The following PPP2R3A variants were observed in gnomAD, a reference collection of about 807,000 sequenced individuals.
PPP2R3A encodes serine/threonine-protein phosphatase 2A regulatory subunit B'' subunit alpha.
A neutral mutation model predicts 106.9 loss-of-function variants in PPP2R3A; 80 were observed. That is an observed-to-expected ratio of 0.75 (90% confidence interval 0.62 to 0.90). The LOEUF (loss-of-function observed/expected upper bound fraction) is 0.90, where lower values mean the gene tolerates loss of function less well. Among genes scored for constraint, PPP2R3A ranks in the 40% least tolerant of loss-of-function variants. The pLI, the probability that PPP2R3A is intolerant of heterozygous loss-of-function variation, is 0.00. For missense variants in PPP2R3A, 1,386 were observed against 1,350.4 expected (o/e 1.03, Z -0.41); for synonymous variants, 483 against 468.3 (o/e 1.03, Z -0.41).
At chr3:136,032,756 G>A (rs748885504) in intron 3 of PPP2R3A, among the ~76,000 whole-genome samples, 12 of 152,020 alleles carry the variant, frequency 7.9e-5, no homozygotes, top group East Asian at 3.9e-4. Context: ...GGATGGTCTC[G>A]ATCTCCTGAC....
intron 1 of PPP2R3A, among the ~76,000 whole-genome samples, chr3:135,989,048 C>T (rs1227984876): frequency 1.3e-5 from 2 of 151,940 alleles, no homozygotes; most frequent in African/African-American, 2.4e-5. Flanking sequence ...TTTTTTTTAA[C>T]GCTGTTATTT....
intron 1 of PPP2R3A, among the ~76,000 whole-genome samples, chr3:136,000,331 C>T (rs1478241146): frequency 1.3e-5 from 2 of 152,052 alleles, no homozygotes; most frequent in East Asian, 1.9e-4. Flanking sequence ...TATTTGTTGA[C>T]GGAATAAATA....
intron 1 of PPP2R3A, among the ~76,000 whole-genome samples, chr3:135,971,828 G>C (rs957817279): frequency 6.6e-6 from 1 of 152,112 alleles, no homozygotes; most frequent in Non-Finnish European, 1.5e-5. Context: ...ATGCCTGGCT[G>C]GCAGTATATA....
In PPP2R3A at chr3:136,145,132, A is replaced by G; in HGVS notation, c.3419A>G (p.Lys1140Arg). 2 of 1,613,560 alleles carry G rather than the reference A, an allele frequency of 1.2e-6. No individual in the cohort carries two copies. The highest frequency in any genetic ancestry group is 1.3e-5 in the African/African-American group (1 of 75,046). The change falls in exon 14 of 14, where the codon AAA becomes AGA. Residue 1140 changes from lysine to arginine, a missense_variant. By Grantham distance (26) the Lys-to-Arg change is conservative. Transcript: ENST00000264977. ...NKILSASLPEKCGKLQSVDEE is the reference protein window; with the variant it reads ...NKILSASLPERCGKLQSVDEE Reference sequence around the variant, plus strand: ...ATATTAAGTGCAAGCCTTCCAGAGAAATGTGGAAAGCTTCAATCAGTGGAT... The same window carrying G: ...ATATTAAGTGCAAGCCTTCCAGAGAGATGTGGAAAGCTTCAATCAGTGGAT...
At chr3:135,969,956 T>A (rs1937197649) in intron 1 of PPP2R3A, among the ~76,000 whole-genome samples, 1 of 152,220 alleles carries the variant, frequency 6.6e-6, no homozygotes, top group African/African-American at 2.4e-5. Context: ...GCTCATTTAT[T>A]TCTCTGACTG....
rs1933646582 is a variant in PPP2R3A at position 136,002,053 on chromosome 3, A to G, written c.555A>G (p.Lys185=). The G allele has an allele frequency of 6.2e-7, 1 of 1,613,628 alleles. No individual in the cohort carries two copies. The highest frequency in any genetic ancestry group is 8.5e-7 in the Non-Finnish European group (1 of 1,179,910). Residue 185 remains lysine, a synonymous_variant, in exon 2 of 14, where the codon AAA becomes AAG. Transcript: ENST00000264977. ...TGCGGAGTTCCTCAGTTGAGGAAAA[A>G]CCTTTGTCTCATAGAAACTCACTGG... is the stretch of plus-strand genomic sequence containing the variant. The part of the protein sequence containing the change: ...GLLRSSSVEE[K]PLSHRNSLDT...
chr3:136,114,533 G>A (rs1937665817), intron 13 of PPP2R3A, among the ~76,000 whole-genome samples: 1 of 152,196 alleles, frequency 6.6e-6, no homozygotes, highest in African/African-American at 2.4e-5. Flanking sequence ...AAGATCCACT[G>A]GCTTGAAATT....
At chr3:136,082,201 C>T in intron 7 of PPP2R3A, 64 bp from the exon 8 acceptor site, 1 of 1,395,170 alleles carries the variant, frequency 7.2e-7, no homozygotes, top group Non-Finnish European at 1.0e-6. Context: ...ATTCGCTAGA[C>T]TCTGCACAGT....
At chr3:136,025,514 T>C (rs890616520) in intron 2 of PPP2R3A, among the ~76,000 whole-genome samples, 1 of 152,074 alleles carries the variant, frequency 6.6e-6, no homozygotes, top group Non-Finnish European at 1.5e-5. Context: ...ATGACAAAAA[T>C]AGGAGATTTA....
At chr3:135,966,770 A>C (rs1419038407) in intron 1 of PPP2R3A, among the ~76,000 whole-genome samples, 3 of 152,200 alleles carry the variant, frequency 2.0e-5, no homozygotes, top group African/African-American at 7.2e-5. Context: ...GCAAAAAAAG[A>C]GTAATTCCTT....
At chr3:136,114,595 G>T (rs1378413534) in intron 13 of PPP2R3A, among the ~76,000 whole-genome samples, 1 of 152,156 alleles carries the variant, frequency 6.6e-6, no homozygotes, top group Non-Finnish European at 1.5e-5. Context: ...CCAGCTTGAT[G>T]CAGGGAGGGG....
At chr3:136,069,028 G>C (rs1300376750) in intron 5 of PPP2R3A, among the ~76,000 whole-genome samples, 1 of 152,112 alleles carries the variant, frequency 6.6e-6, no homozygotes, top group Non-Finnish European at 1.5e-5. Context: ...AAATCGTAAG[G>C]AAAGACTAAC....
At chr3:136,139,709 AG>A (rs1228454919) in intron 13 of PPP2R3A, among the ~76,000 whole-genome samples, 1 of 148,076 alleles carries the variant, frequency 6.8e-6, no homozygotes, top group Non-Finnish European at 1.5e-5. Context: ...AAAAAAAAAA[AG>A]AGTTTGTTCT....
intron 13 of PPP2R3A, among the ~76,000 whole-genome samples, chr3:136,135,197 GTA>G (rs1371203405): frequency 1.3e-5 from 2 of 152,202 alleles, no homozygotes; most frequent in East Asian, 3.9e-4. Context: ...TTCAACCGTT[GTA>G]TATGAGAGGC....
intron 13 of PPP2R3A, among the ~76,000 whole-genome samples, chr3:136,115,709 A>G (rs1360355243): frequency 6.6e-6 from 1 of 152,036 alleles, no homozygotes; most frequent in East Asian, 1.9e-4. Flanking sequence ...AAGAATGAAA[A>G]GGAACGAACA....
intron 1 of PPP2R3A, among the ~76,000 whole-genome samples, chr3:135,969,776 C>G (rs544372298): frequency 2.0e-4 from 30 of 152,246 alleles, no homozygotes; most frequent in Admixed American, 2.0e-4. Context: ...CTGAAGATTT[C>G]TCATGAAAAA....
chr3:136,057,752 A>C (rs1049017935), intron 5 of PPP2R3A, among the ~76,000 whole-genome samples: 2 of 152,182 alleles, frequency 1.3e-5, no homozygotes, highest in African/African-American at 4.8e-5. Flanking sequence ...ATGAAAGATC[A>C]TGTCACACCT....
intron 5 of PPP2R3A, among the ~76,000 whole-genome samples, chr3:136,052,967 A>C (rs936798958): frequency 5.3e-5 from 8 of 152,226 alleles, no homozygotes; most frequent in African/African-American, 1.9e-4. Context: ...GAAAGTGACC[A>C]CATGTCTTGT....
chr3:136,016,208 A>T (rs1016030785), intron 2 of PPP2R3A, among the ~76,000 whole-genome samples: 1 of 152,048 alleles, frequency 6.6e-6, no homozygotes, highest in Non-Finnish European at 1.5e-5. Context: ...AGTTTTCTTA[A>T]GTTACTGAGA....
Sources: allele counts gnomAD v4.1 joint callset (sites outside exome capture counted in the v4.1 genomes callset), GRCh38; gene constraint gnomAD v4.1.1; transcripts MANE v1.5; gene names NCBI Gene and HGNC (gene_info 2026-07-23, HGNC 2026-07-21).